KCNQ3: variants seen among roughly 807,000 people sequenced by gnomAD.
KCNQ3 encodes potassium voltage-gated channel subfamily KQT member 3.
In KCNQ3, 30 loss-of-function variants were observed where a neutral mutation model predicts 92.5. The ratio of observed to expected loss-of-function variants is 0.32; its 90% CI spans 0.24 to 0.44. The LOEUF (loss-of-function observed/expected upper bound fraction) is 0.44, where lower values mean the gene tolerates loss of function less well. KCNQ3 is among the 20% of genes least tolerant of loss of function. The pLI, the probability that KCNQ3 is intolerant of heterozygous loss-of-function variation, is 1.00. For synonymous variants in KCNQ3, 450 were observed against 468.8 expected (o/e 0.96, Z 0.52); for missense variants, 913 against 1,140.3 (o/e 0.80, Z 2.87).
intron 1 of KCNQ3, among the ~76,000 whole-genome samples, chr8:132,396,218 T>C (rs899541650): frequency 2.6e-5 from 4 of 152,126 alleles, no homozygotes; most frequent in African/African-American, 9.7e-5. Flanking sequence ...CTTTGCCCCA[T>C]TGAACAGAGC....
intron 1 of KCNQ3, among the ~76,000 whole-genome samples, chr8:132,407,376 T>C (rs546109238): frequency 6.6e-6 from 1 of 152,338 alleles, no homozygotes; most frequent in Non-Finnish European, 1.5e-5. Flanking sequence ...GTGATTGATT[T>C]TTCTCTCCAC....
chr8:132,162,575 A>G (rs1826022830), intron 9 of KCNQ3, among the ~76,000 whole-genome samples: 1 of 152,172 alleles, frequency 6.6e-6, no homozygotes, highest in Non-Finnish European at 1.5e-5. Context: ...TCATTCACCT[A>G]ACCCTCCTTT....
intron 1 of KCNQ3, among the ~76,000 whole-genome samples, chr8:132,365,675 T>C (rs1008268935): frequency 1.3e-5 from 2 of 152,334 alleles, no homozygotes; most frequent in South Asian, 2.1e-4. Context: ...TGATAATAAA[T>C]GTAAACAGAA....
chr8:132,170,361 T>G lies in KCNQ3; in HGVS notation c.1208A>C (p.Glu403Ala), dbSNP rs775297428. The change falls in exon 8 of 15, where the codon GAA becomes GCA. Residue 403 changes from glutamate (E) to alanine (A), a missense_variant. Around this residue, in one of 6 missense-constraint regions of KCNQ3, gnomAD observed 182 missense variants for 234.5 expected, o/e 0.78. Transcript: ENST00000388996. ...GAAGAAAGGAAAAGAGACGACTGAT[T>G]CATAAAATCTCCATGTCGCCACCAG... ...IDLVATWRFY[E>A]SVVSFPFFRK... The G allele has an allele frequency of 6.2e-7, 1 of 1,613,840 alleles. No homozygotes were observed. Among genetic ancestry groups the G allele is most frequent in the East Asian group, 2.2e-5 (1 of 44,858 alleles).
At chr8:132,292,934 C>A (rs117142985) in intron 1 of KCNQ3, among the ~76,000 whole-genome samples, 1,596 of 152,278 alleles carry the variant, frequency 0.01, 13 homozygotes, top group Non-Finnish European at 0.016. Flanking sequence ...AATGGACAAG[C>A]CTTGCTGGTG....
intron 1 of KCNQ3, among the ~76,000 whole-genome samples, chr8:132,321,019 G>C (rs1467802882): frequency 6.6e-6 from 1 of 152,316 alleles, no homozygotes; most frequent in South Asian, 2.1e-4. Context: ...ATATTCAAAT[G>C]GTCTAAGACA....
chr8:132,356,734 G>T (rs1252474846), intron 1 of KCNQ3, among the ~76,000 whole-genome samples: 1 of 152,180 alleles, frequency 6.6e-6, no homozygotes, highest in East Asian at 1.9e-4. Flanking sequence ...AAAAACTCCA[G>T]CACCTGGCAC....
chr8:132,354,096 T>C (rs1475726052), intron 1 of KCNQ3, among the ~76,000 whole-genome samples: 7 of 152,180 alleles, frequency 4.6e-5, no homozygotes, highest in Non-Finnish European at 1.0e-4. Flanking sequence ...CTGTGAAATG[T>C]AGGAGCTTGT....
At chr8:132,193,833 G>A (rs1448076221) in intron 1 of KCNQ3, among the ~76,000 whole-genome samples, 1 of 152,222 alleles carries the variant, frequency 6.6e-6, no homozygotes, top group Non-Finnish European at 1.5e-5. Flanking sequence ...ACACTGTGCT[G>A]AGAGCACTGG....
chr8:132,173,713 G>A (rs62519572), intron 6 of KCNQ3, among the ~76,000 whole-genome samples: 7,771 of 152,226 alleles, frequency 0.051, 306 homozygotes, highest in Non-Finnish European at 0.074. Flanking sequence ...TTATTATTAC[G>A]TACCTGGACA....
chr8:132,170,028 A>ACGCC (rs1188030694), intron 8 of KCNQ3, among the ~76,000 whole-genome samples: 3 of 151,736 alleles, frequency 2.0e-5, no homozygotes, highest in Non-Finnish European at 4.4e-5. Context: ...ACACACCACC[A>ACGCC]CGCCCGGCTA....
At chr8:132,321,345 T>C (rs975088472) in intron 1 of KCNQ3, 1 of 152,400 alleles carries the variant, frequency 6.6e-6, no homozygotes, top group Non-Finnish European at 1.5e-5. Flanking sequence ...CATCTCACCC[T>C]GCTAAAACTA....
chr8:132,128,693 A>ATATT lies in KCNQ3; in HGVS notation c.*565_*568dup, dbSNP rs1026590824. The ATATT allele has an allele frequency of 1.3e-5, 2 of 155,470 alleles. No homozygotes were observed. The highest frequency in any genetic ancestry group is 4.8e-5 in the African/African-American group (2 of 41,466). The allele number at this position is 155,470 out of a possible 1,614,324, so 9.6% of individuals were successfully genotyped here. ...GAGCTTTTAAAAGGTTTTGCCTTAAATATTTGTTTAAATTCTTTGTTTTAG... is the reference window on the plus strand; with the variant it reads ...GAGCTTTTAAAAGGTTTTGCCTTAAATATTTATTTGTTTAAATTCTTTGTTTTAG... On this transcript the variant is annotated 3_prime_UTR_variant, in exon 15 of 15. Coordinates refer to ENST00000388996, the MANE Select transcript of KCNQ3 (RefSeq NM_004519.4).
intron 1 of KCNQ3, among the ~76,000 whole-genome samples, chr8:132,230,085 G>A (rs556879338): frequency 6.6e-6 from 1 of 152,122 alleles, no homozygotes; most frequent in East Asian, 1.9e-4. Flanking sequence ...TCTGCCTCAG[G>A]GCCATGTTGG....
chr8:132,467,213 G>A (rs905609436), intron 1 of KCNQ3, among the ~76,000 whole-genome samples: 5 of 152,166 alleles, frequency 3.3e-5, no homozygotes, highest in Admixed American at 6.5e-5. Context: ...GTGGCTGGGC[G>A]GGTGTTCCCT....
chr8:132,455,026 TAGTG>T (rs754260237), intron 1 of KCNQ3, among the ~76,000 whole-genome samples: 9 of 152,162 alleles, frequency 5.9e-5, no homozygotes, highest in Non-Finnish European at 1.3e-4. Flanking sequence ...GAGGGGGAAG[TAGTG>T]AGTTACTGTG....
At chr8:132,357,682 T>C (rs746792652) in intron 1 of KCNQ3, among the ~76,000 whole-genome samples, 2 of 152,230 alleles carry the variant, frequency 1.3e-5, no homozygotes, top group Non-Finnish European at 2.9e-5. Context: ...CACAGCCCTG[T>C]GTGCCAGTCT....
intron 12 of KCNQ3, among the ~76,000 whole-genome samples, chr8:132,137,665 T>G (rs1164174916): frequency 2.0e-5 from 3 of 152,204 alleles, no homozygotes; most frequent in Non-Finnish European, 4.4e-5. Flanking sequence ...ACAGGCCTGA[T>G]CAGGGTGCTG....
At chr8:132,462,790 C>A (rs1822091260) in intron 1 of KCNQ3, among the ~76,000 whole-genome samples, 1 of 152,152 alleles carries the variant, frequency 6.6e-6, no homozygotes, top group South Asian at 2.1e-4. Flanking sequence ...TAATGATTAA[C>A]CTGATACCCT....
Sources: gnomAD v4.1 joint callset for allele counts (sites outside exome capture counted in the v4.1 genomes callset) on GRCh38, gnomAD v4.1.1 for gene constraint, gnomAD v4.1.1 regional missense constraint, MANE v1.5 for transcripts, NCBI Gene and HGNC (gene_info 2026-07-23, HGNC 2026-07-21) for gene names.